Variants in ADAMTS9 observed in about 807,000 individuals in gnomAD.
The protein encoded by ADAMTS9 is ADAM metallopeptidase with thrombospondin type 1 motif 9.
A neutral mutation model predicts 257.1 loss-of-function variants in ADAMTS9; 107 were observed. The ratio of observed to expected loss-of-function variants is 0.42; its 90% CI spans 0.36 to 0.49. The LOEUF (loss-of-function observed/expected upper bound fraction) is 0.49, where lower values mean the gene tolerates loss of function less well. Ranked by LOEUF, ADAMTS9 falls within the 20% of genes least tolerant of loss-of-function variation. ADAMTS9 has a pLI of 0.03. For missense variants in ADAMTS9, 2,353 were observed against 2,469.1 expected (o/e 0.95, Z 1.00); for synonymous variants, 982 against 880.9 (o/e 1.11, Z -2.03).
intron 3 of ADAMTS9, among the ~76,000 whole-genome samples, chr3:64,679,575 G>A (rs776032781): frequency 5.9e-5 from 9 of 152,242 alleles, no homozygotes; most frequent in African/African-American, 9.6e-5. Context: ...ACCTGTAGCC[G>A]CTTTAGGGGA....
intron 12 of ADAMTS9, among the ~76,000 whole-genome samples, chr3:64,635,261 T>C (rs572281964): frequency 2.6e-4 from 39 of 152,240 alleles, no homozygotes; most frequent in African/African-American, 9.4e-4. Context: ...CAACATGAAG[T>C]AAGAGCACCA....
chr3:64,668,292 T>A (rs34335468), intron 3 of ADAMTS9, among the ~76,000 whole-genome samples: 23 of 152,062 alleles, frequency 1.5e-4, no homozygotes, highest in Non-Finnish European at 2.9e-4. Context: ...TAATAGAGTC[T>A]ATTGAACCCC....
chr3:64,634,617 G>A (rs1459079711), intron 12 of ADAMTS9, among the ~76,000 whole-genome samples: 1 of 152,122 alleles, frequency 6.6e-6, no homozygotes, highest in Non-Finnish European at 1.5e-5. Context: ...GTGATCCAGA[G>A]AGTAAATTAT....
In ADAMTS9 at chr3:64,626,344, G is replaced by A. The variant is rs567490307; in HGVS notation, c.2390-3758C>T. Among the ~76,000 whole-genome samples, 5 of 152,250 alleles carry A rather than the reference G, an allele frequency of 3.3e-5. No individual in the cohort carries two copies. In the South Asian group the frequency reaches 8.3e-4, roughly 25 times the overall value. On this transcript the variant is annotated intron_variant, in intron 16 of 39. Coordinates refer to ENST00000498707, the MANE Select transcript of ADAMTS9 (RefSeq NM_182920.2). ...ACTACTAAAATTTTCCAAGAAGGGG[G>A]TCAACAAACGTTTGTTAAATGAGTA...
At chr3:64,564,164 C>T (rs1466830016) in intron 29 of ADAMTS9, among the ~76,000 whole-genome samples, 2 of 152,188 alleles carry the variant, frequency 1.3e-5, no homozygotes, top group Non-Finnish European at 2.9e-5. Context: ...GCCATCATCC[C>T]ACCACCACAG....
rs953069836 is a variant in ADAMTS9, at chr3:64,631,739, T to C, written c.2293+69A>G. 3.6e-6 allele frequency: 5 copies of C among 1,401,850 alleles called. No individual in the cohort carries two copies. In the African/African-American group the frequency reaches 5.7e-5, roughly 16 times the overall value. 86.8% of individuals were successfully genotyped at this position (1,401,850 alleles called of 1,614,324 possible). Reference sequence around the variant, plus strand: ...GCTCGACATTAATATTTTTGCATATTACATGTGGTTAACAATTTTCAAACT... The same window carrying C: ...GCTCGACATTAATATTTTTGCATATCACATGTGGTTAACAATTTTCAAACT... On this transcript the variant is annotated intron_variant, in intron 15 of 39. Transcript: ENST00000498707.
At chr3:64,547,236 G>A (rs184151473) in intron 31 of ADAMTS9, among the ~76,000 whole-genome samples, 3 of 152,174 alleles carry the variant, frequency 2.0e-5, no homozygotes, top group Admixed American at 6.5e-5. Flanking sequence ...GGGAGGAGGA[G>A]GGGGAGGTGC....
intron 9 of ADAMTS9, chr3:64,650,361 T>C (rs1277504922): frequency 6.5e-6 from 1 of 152,704 alleles, no homozygotes; most frequent in Non-Finnish European, 1.5e-5. Flanking sequence ...CCAGTGACTC[T>C]GGGACAATCA....
rs148570059 is a variant in ADAMTS9 at position 64,622,445 on chromosome 3, C to A, written c.2531G>T (p.Arg844Leu). 6.2e-7 allele frequency: 1 copy of A among 1,613,918 alleles called. No homozygotes were observed. Among genetic ancestry groups the A allele is most frequent in the African/African-American group, 1.3e-5 (1 of 74,986 alleles). The part of the protein sequence containing the change: ...TAVERINSTD[R>L]IEQELLLQVL... ...CTGAAGCAAAAGTTCTTGCTCAATG[C>A]GATCTGTTGAGTTAATTCTTTCTAC... Residue 844 changes from arginine to leucine, a missense_variant, in exon 17 of 40, where the codon CGC becomes CTC. Physicochemically the swap from Arg to Leu is moderately radical, Grantham distance 102. This residue lies in a region of ADAMTS9 where 1,402 missense variants were observed against 1,441.4 expected (regional missense o/e 0.97). Transcript: ENST00000498707.
In ADAMTS9 at chr3:64,568,438, G is replaced by C. The variant is rs770157958; in HGVS notation, c.4454C>G (p.Ala1485Gly). The C allele has an allele frequency of 6.2e-7, 1 of 1,614,018 alleles. No homozygotes were observed. Among genetic ancestry groups the C allele is most frequent in the South Asian group, 1.1e-5 (1 of 91,046 alleles). ...HLESDYCKHLAKPHGHRKCRG... is the reference protein window; with the variant it reads ...HLESDYCKHLGKPHGHRKCRG... Reference sequence around the variant, plus strand: ...GCACTTTCTGTGCCCATGTGGCTTAGCCAGGTGCTTACAGTAATCACTTTC... The same window carrying C: ...GCACTTTCTGTGCCCATGTGGCTTACCCAGGTGCTTACAGTAATCACTTTC... The change falls in exon 29 of 40, where the codon GCT becomes GGT. Residue 1485 changes from alanine (A) to glycine (G), a missense_variant. Transcript: ENST00000498707.
chr3:64,587,554 C>T (rs2084182600), intron 28 of ADAMTS9: 1 of 151,904 alleles, frequency 6.6e-6, no homozygotes, highest in Admixed American at 6.6e-5. Flanking sequence ...TAAAGGAAGG[C>T]AAAAATAGAG....
chr3:64,561,425 G>A lies in ADAMTS9; in HGVS notation c.4698+153C>T, dbSNP rs1031529628. 8 of 716,366 alleles carry A rather than the reference G, an allele frequency of 1.1e-5. No homozygotes were observed. In the Admixed American group the frequency reaches 2.5e-4, roughly 22 times the overall value. The allele number at this position is 716,366 out of a possible 1,614,324, so 44.4% of individuals were successfully genotyped here. ...GAAGTTCTCCCACCCTTGTTGGAGC[G>A]AATGCGCGAGTCTGACAGTGAACCT... is the stretch of plus-strand genomic sequence containing the variant. On this transcript the variant is annotated intron_variant, in intron 30 of 39. Coordinates refer to ENST00000498707, the MANE Select transcript of ADAMTS9 (RefSeq NM_182920.2).
intron 30 of ADAMTS9, among the ~76,000 whole-genome samples, chr3:64,551,819 A>C (rs1180546472): frequency 2.6e-5 from 4 of 152,176 alleles, no homozygotes; most frequent in African/African-American, 9.6e-5. Context: ...CTAGTTTTCC[A>C]TTCCAGGAAA....
At chr3:64,590,820 T>C (rs1174027141) in intron 28 of ADAMTS9, among the ~76,000 whole-genome samples, 1 of 152,288 alleles carries the variant, frequency 6.6e-6, no homozygotes, top group African/African-American at 2.4e-5. Context: ...AGGTTTGTCA[T>C]GAAAAACCCG....
At chr3:64,551,543 C>A (rs1245278071) in intron 30 of ADAMTS9, among the ~76,000 whole-genome samples, 1 of 152,148 alleles carries the variant, frequency 6.6e-6, no homozygotes, top group African/African-American at 2.4e-5. Flanking sequence ...TACCTAACAA[C>A]TCTGTTCCTG....
intron 37 of ADAMTS9, among the ~76,000 whole-genome samples, chr3:64,535,047 G>A (rs527492360): frequency 2.6e-5 from 4 of 152,294 alleles, no homozygotes; most frequent in East Asian, 1.9e-4. Context: ...CACAATGCAC[G>A]TCACGCATTA....
intron 30 of ADAMTS9, chr3:64,561,374 C>G (rs1277836975): frequency 2.8e-6 from 1 of 356,524 alleles, no homozygotes; most frequent in Non-Finnish European, 4.9e-6. Flanking sequence ...GGAATACAGA[C>G]AGACGTAGGA....
At chr3:64,591,470 A>G (rs1292623779) in intron 28 of ADAMTS9, among the ~76,000 whole-genome samples, 1 of 152,082 alleles carries the variant, frequency 6.6e-6, no homozygotes, top group Non-Finnish European at 1.5e-5. Flanking sequence ...TTTCAAAAAC[A>G]AACACTACCA....
At chr3:64,530,526 T>TAAA (rs55726329) in intron 38 of ADAMTS9, among the ~76,000 whole-genome samples, 9 of 116,604 alleles carry the variant, frequency 7.7e-5, no homozygotes, top group Admixed American at 2.7e-4. Context: ...CACCAAGATT[T>TAAA]AAAAAAAAAA....
Sources: allele counts gnomAD v4.1 joint callset (sites outside exome capture counted in the v4.1 genomes callset), GRCh38; gene constraint gnomAD v4.1.1; regional missense constraint gnomAD v4.1.1; transcripts MANE v1.5; gene names NCBI Gene and HGNC (gene_info 2026-07-23, HGNC 2026-07-21).